FRMD4A: variants seen among roughly 807,000 people sequenced by gnomAD.
FRMD4A encodes FERM domain-containing protein 4A.
In FRMD4A, 29 loss-of-function variants were observed where a neutral mutation model predicts 129.1. The observed-to-expected ratio is 0.22, with a 90% CI of 0.17 to 0.31. The LOEUF (loss-of-function observed/expected upper bound fraction) is 0.31, where lower values mean the gene tolerates loss of function less well. Among genes scored for constraint, FRMD4A ranks in the 10% least tolerant of loss-of-function variants. FRMD4A has a pLI of 1.00. For missense variants in FRMD4A, 1,272 were observed against 1,375.8 expected (o/e 0.92, Z 1.19); for synonymous variants, 634 against 571.6 (o/e 1.11, Z -1.56).
intron 2 of FRMD4A, among the ~76,000 whole-genome samples, chr10:13,984,462 C>T (rs954044232): frequency 2.0e-5 from 3 of 152,160 alleles, no homozygotes; most frequent in African/African-American, 7.2e-5. Flanking sequence ...ATATTCACAG[C>T]GTTGTGCAGC....
chr10:13,940,895 T>C (rs2131308664), intron 2 of FRMD4A, among the ~76,000 whole-genome samples: 1 of 152,304 alleles, frequency 6.6e-6, no homozygotes, highest in Middle Eastern at 3.4e-3. Context: ...TGTCAACCAA[T>C]GATCACACAG....
At chr10:14,256,196 GAAAAATATCT>G (rs1272130840) in intron 2 of FRMD4A, among the ~76,000 whole-genome samples, 2 of 151,902 alleles carry the variant, frequency 1.3e-5, no homozygotes, top group Non-Finnish European at 2.9e-5. Flanking sequence ...GGCAATAATT[GAAAAATATCT>G]AAGAATGCAT....
At chr10:14,069,464 C>T (rs987913472) in intron 2 of FRMD4A, among the ~76,000 whole-genome samples, 1 of 152,096 alleles carries the variant, frequency 6.6e-6, no homozygotes, top group African/African-American at 2.4e-5. Flanking sequence ...TTCACTGTGA[C>T]CTGTGTGCCT....
intron 2 of FRMD4A, among the ~76,000 whole-genome samples, chr10:14,162,828 G>T (rs945133655): frequency 6.6e-6 from 1 of 151,960 alleles, no homozygotes; most frequent in Admixed American, 6.6e-5. Flanking sequence ...CCAGGATGAC[G>T]TGCCCAAGAG....
At chr10:13,952,341 A>T (rs1184265490) in intron 2 of FRMD4A, among the ~76,000 whole-genome samples, 2 of 151,936 alleles carry the variant, frequency 1.3e-5, no homozygotes, top group Admixed American at 6.6e-5. Flanking sequence ...CTACAAAAAA[A>T]TTTTTAAAAA....
chr10:13,830,501 G>C (rs1476602751), intron 3 of FRMD4A, among the ~76,000 whole-genome samples: 1 of 152,226 alleles, frequency 6.6e-6, no homozygotes, highest in East Asian at 1.9e-4. Flanking sequence ...TGTCCTGACT[G>C]TGGGCCACAG....
intron 2 of FRMD4A, among the ~76,000 whole-genome samples, chr10:14,080,020 C>T (rs1436951516): frequency 6.6e-6 from 1 of 152,190 alleles, no homozygotes; most frequent in African/African-American, 2.4e-5. Flanking sequence ...AAGGCCAAAA[C>T]CTCCCCTTGG....
At chr10:14,045,785 TTA>T (rs1264221564) in intron 2 of FRMD4A, among the ~76,000 whole-genome samples, 1 of 145,672 alleles carries the variant, frequency 6.9e-6, no homozygotes, top group Non-Finnish European at 1.5e-5. Context: ...TATAATCATA[TTA>T]TATATGATAT....
At chr10:13,735,769 G>A (rs1180146996) in intron 12 of FRMD4A, among the ~76,000 whole-genome samples, 1 of 152,196 alleles carries the variant, frequency 6.6e-6, no homozygotes, top group Non-Finnish European at 1.5e-5. Context: ...AGGCAAGAGA[G>A]AGCTCAATGT....
intron 2 of FRMD4A, among the ~76,000 whole-genome samples, chr10:14,039,407 C>CTATCTATCTATCTATCTATCTATCTATCT (rs1833672639): frequency 4.7e-5 from 7 of 147,700 alleles, no homozygotes; most frequent in African/African-American, 1.8e-4. Flanking sequence ...TCCATCCATC[C>CTATCTATCTATCTATCTATCTATCTATCT]ATCTATCTAT....
At chr10:13,972,337 A>G in intron 2 of FRMD4A, 1 of 985,724 alleles carries the variant, frequency 1.0e-6, no homozygotes. Context: ...AGGTCAAGCA[A>G]AAAGTCCCAT....
chr10:13,841,237 C>A (rs1216683492), intron 3 of FRMD4A, among the ~76,000 whole-genome samples: 2 of 152,192 alleles, frequency 1.3e-5, no homozygotes. Flanking sequence ...ATTCTGGATG[C>A]CTGCACCATT....
intron 2 of FRMD4A, among the ~76,000 whole-genome samples, chr10:14,033,782 AAG>A (rs111309037): frequency 0.24 from 34,571 of 145,264 alleles, 4,259 homozygotes; most frequent in African/African-American, 0.29. Context: ...AAAACTCAGA[AAG>A]AGAGAGAGAG....
chr10:14,236,839 A>G (rs887105500), intron 2 of FRMD4A, among the ~76,000 whole-genome samples: 1 of 151,972 alleles, frequency 6.6e-6, no homozygotes, highest in African/African-American at 2.4e-5. Flanking sequence ...TTCAAGGAGG[A>G]TCCACCCTGC....
intron 9 of FRMD4A, among the ~76,000 whole-genome samples, chr10:13,745,401 C>T (rs558244278): frequency 3.3e-5 from 5 of 152,260 alleles, no homozygotes; most frequent in South Asian, 4.2e-4. Flanking sequence ...GTGGCTCCCC[C>T]GTCCTGCCAC....
At chr10:13,834,945 A>T (rs533892944) in intron 3 of FRMD4A, among the ~76,000 whole-genome samples, 8 of 152,308 alleles carry the variant, frequency 5.3e-5, no homozygotes, top group Non-Finnish European at 7.4e-5. Flanking sequence ...ACTTCCAGAC[A>T]ATCAGATAAT....
chr10:13,651,921 T>C lies in FRMD4A; in HGVS notation c.3104A>G (p.Gln1035Arg), dbSNP rs1465953965. ...ACGGTACCTCTATTCATCAGTACTT[T>C]GGTGAGGTGGAGACTCAGACCCATC... ...ILDGSESPPH[Q>R]STDE is the part of the protein sequence containing the mutation. Residue 1035 changes from glutamine to arginine, a missense_variant, in exon 24 of 25, where the codon CAA becomes CGA. Gln to Arg is a conservative substitution (Grantham distance 43). Coordinates refer to ENST00000357447, the MANE Select transcript of FRMD4A (RefSeq NM_018027.5). The C allele has an allele frequency of 1.9e-6, 3 of 1,582,076 alleles. No individual in the cohort carries two copies. The highest frequency in any genetic ancestry group is 1.3e-5 in the African/African-American group (1 of 74,384).
intron 2 of FRMD4A, among the ~76,000 whole-genome samples, chr10:13,875,376 T>C (rs2094478169): frequency 6.6e-6 from 1 of 152,154 alleles, no homozygotes; most frequent in African/African-American, 2.4e-5. Flanking sequence ...GATATTAAAG[T>C]AGAACTTGTC....
chr10:14,236,153 G>A (rs933708377), intron 2 of FRMD4A, among the ~76,000 whole-genome samples: 9 of 152,298 alleles, frequency 5.9e-5, no homozygotes, highest in Non-Finnish European at 1.3e-4. Flanking sequence ...CAACTTGATG[G>A]CAAAAGACAT....
Sources: allele counts gnomAD v4.1 joint callset (sites outside exome capture counted in the v4.1 genomes callset), GRCh38; gene constraint gnomAD v4.1.1; transcripts MANE v1.5; gene names NCBI Gene and HGNC (gene_info 2026-07-23, HGNC 2026-07-21).